The following CSE1L variants were observed in gnomAD, a reference collection of about 807,000 sequenced individuals.
CSE1L encodes exportin-2.
A neutral mutation model predicts 120.4 loss-of-function variants in CSE1L; 24 were observed. That is an observed-to-expected ratio of 0.20 (90% CI 0.14 to 0.28). CSE1L has a LOEUF of 0.28. Ranked by LOEUF, CSE1L falls within the 10% of genes least tolerant of loss-of-function variation. CSE1L has a pLI of 1.00. For missense variants in CSE1L, 830 were observed against 1,145.2 expected (o/e 0.72, Z 3.97); for synonymous variants, 402 against 398.3 (o/e 1.01, Z -0.11).
intron 1 of CSE1L, among the ~76,000 whole-genome samples, chr20:49,055,369 T>G (rs546008840): frequency 1.7e-4 from 26 of 152,168 alleles, no homozygotes; most frequent in Non-Finnish European, 3.2e-4. Context: ...TCTGAACTAT[T>G]ACAGAAGCTC....
At position 49,096,628 on chromosome 20, in the gene CSE1L, T is replaced by C. The variant is rs751097152; in HGVS notation, c.*190T>C. 7.2e-5 allele frequency: 43 copies of C among 599,450 alleles called. No individual in the cohort carries two copies. The highest frequency in any genetic ancestry group is 1.2e-4 in the Admixed American group (4 of 33,476). The allele number at this position is 599,450 out of a possible 1,614,324, so 37.1% of individuals were successfully genotyped here. On this transcript the variant is annotated 3_prime_UTR_variant, in exon 25 of 25. Transcript: ENST00000262982. ...GTTGGTTTGTGTGATCATACAGTTA[T>C]GTGGGTGGCTTCTAGTTTGCAACTT...
At chr20:49,048,803 G>T (rs1013094808) in intron 1 of CSE1L, among the ~76,000 whole-genome samples, 1 of 152,174 alleles carries the variant, frequency 6.6e-6, no homozygotes, top group Non-Finnish European at 1.5e-5. Flanking sequence ...GAGGTGTTGG[G>T]ATATGTTCTT....
intron 16 of CSE1L, among the ~76,000 whole-genome samples, 175 bp from the exon 17 acceptor site, chr20:49,087,834 A>G (rs2092071973): frequency 6.6e-6 from 1 of 152,142 alleles, no homozygotes; most frequent in African/African-American, 2.4e-5. Context: ...AACCCGTCCT[A>G]ATTTTAAAAG....
Position 49,094,294 on chromosome 20 carries a change from CTTCA to C in CSE1L, c.2594+11_2594+14del. ...TGAGTATACCAAACTGTGGTAAGTACTTCATTTTAATATTTTTGTAAGTTACAGC... is the reference window on the plus strand; with the variant it reads ...TGAGTATACCAAACTGTGGTAAGTACTTTTAATATTTTTGTAAGTTACAGC... On this transcript the variant is annotated intron_variant, in intron 23 of 24. Transcript: ENST00000262982. 1.3e-6 allele frequency: 2 copies of C among 1,599,996 alleles called. No individual in the cohort carries two copies. Among genetic ancestry groups the C allele is most frequent in the Non-Finnish European group, 1.7e-6 (2 of 1,176,270 alleles).
intron 14 of CSE1L, 77 bp from the exon 15 acceptor site, chr20:49,083,949 G>A (rs2092033223): frequency 7.0e-7 from 1 of 1,421,078 alleles, no homozygotes; most frequent in African/African-American, 1.4e-5. Context: ...AAATCAACAG[G>A]TCCTTCTCTT....
intron 1 of CSE1L, among the ~76,000 whole-genome samples, chr20:49,048,487 AGTGACAGAATTAT>A (rs2091739793): frequency 6.6e-6 from 1 of 152,190 alleles, no homozygotes; most frequent in East Asian, 1.9e-4. Flanking sequence ...AATTTCAGAT[AGTGACAGAATTAT>A]GTGACAGGTG....
chr20:49,068,114 T>A (rs1225958864), intron 6 of CSE1L, among the ~76,000 whole-genome samples: 1 of 152,036 alleles, frequency 6.6e-6, no homozygotes, highest in African/African-American at 2.4e-5. Flanking sequence ...AAATACCAAG[T>A]GGCAGATGAA....
At position 49,068,771 on chromosome 20, in the gene CSE1L, G is replaced by A. The variant is rs1188054238; in HGVS notation, c.624G>A (p.Leu208=). 1.2e-6 allele frequency: 2 copies of A among 1,613,916 alleles called. No individual in the cohort carries two copies. Among genetic ancestry groups the A allele is most frequent in the Middle Eastern group, 1.6e-4 (1 of 6,062 alleles). ...ATGATGCCTCTGCCCTGAGGATTCT[G>A]TTTTCTTCCCTGATCCTGATCTCAA... The part of the protein sequence containing the change: ...HANDASALRI[L]FSSLILISKL... The change falls in exon 7 of 25, where the codon CTG becomes CTA. Residue 208 remains leucine, a synonymous_variant. Coordinates refer to ENST00000262982, the MANE Select transcript of CSE1L (RefSeq NM_001316.4).
Position 49,092,466 on chromosome 20 carries a change from C to T in CSE1L, c.2447+339C>T, listed in dbSNP as rs373170391. Among the ~76,000 whole-genome samples the T allele has an allele frequency of 1.9e-4, 29 of 151,910 alleles. No homozygotes were observed. The East Asian group carries it at 1.9e-3, about 10-fold the overall frequency. On this transcript the variant is annotated intron_variant, in intron 22 of 24. Coordinates refer to ENST00000262982, the MANE Select transcript of CSE1L (RefSeq NM_001316.4). ...ATCCTCTAGATTAGAGGACCATCTACTCTACACACTGGCATTCTCCACAGC... is the reference window on the plus strand; with the variant it reads ...ATCCTCTAGATTAGAGGACCATCTATTCTACACACTGGCATTCTCCACAGC...
chr20:49,089,735 G>C lies in CSE1L; in HGVS notation c.2170G>C (p.Ala724Pro). ...RGSNTIASAA[A>P]DKIPGLLGVF... The stretch of plus-strand genomic sequence containing the variant: ...TTCAAACACAATAGCAAGTGCTGCA[G>C]CTGACAAAATTGTGCGTCAGGTTTT... Residue 724 changes from alanine to proline, a missense_variant, in exon 19 of 25, where the codon GCT becomes CCT. Ala to Pro is a conservative substitution (Grantham distance 27, BLOSUM62 -1). This residue lies in a region of CSE1L where 168 missense variants were observed against 267.9 expected (regional missense o/e 0.63). Coordinates refer to ENST00000262982, the MANE Select transcript of CSE1L (RefSeq NM_001316.4). The C allele has an allele frequency of 1.2e-6, 2 of 1,614,082 alleles. No individual in the cohort carries two copies. Among genetic ancestry groups the C allele is most frequent in the Non-Finnish European group, 1.7e-6 (2 of 1,179,972 alleles).
At chr20:49,091,313 T>C (rs1488451371) in intron 21 of CSE1L, among the ~76,000 whole-genome samples, 1 of 151,444 alleles carries the variant, frequency 6.6e-6, no homozygotes, top group Non-Finnish European at 1.5e-5. Flanking sequence ...TAGTCGCAGC[T>C]GCTTGGGAGG....
Position 49,094,786 on chromosome 20 carries a change from C to T in CSE1L, c.2649C>T (p.Thr883=), listed in dbSNP as rs1363871472. The T allele has an allele frequency of 2.5e-6, 4 of 1,613,866 alleles. No individual in the cohort carries two copies. In the East Asian group the frequency reaches 6.7e-5, roughly 27 times the overall value. ...TTTTTGAGTTACCCGAAGATGATAC[C>T]ATTCCTGATGAGGAACATTTTATTG... ...IGLFELPEDD[T]IPDEEHFIDI... is the part of the protein sequence containing the mutation. Residue 883 remains threonine (T), a synonymous_variant, in exon 24 of 25, where the codon ACC becomes ACT. Transcript: ENST00000262982.
chr20:49,074,752 G>A (rs1483069907), intron 10 of CSE1L, 33 bp from the exon 11 acceptor site: 1 of 1,581,126 alleles, frequency 6.3e-7, no homozygotes, highest in South Asian at 1.1e-5. Flanking sequence ...ACGTCTTTTG[G>A]AGTGTTATCT....
chr20:49,060,787 A>AAATTG (rs1466808170), intron 2 of CSE1L, among the ~76,000 whole-genome samples: 1 of 152,028 alleles, frequency 6.6e-6, no homozygotes, highest in Non-Finnish European at 1.5e-5. Flanking sequence ...AAAAAAAAAA[A>AAATTG]AATTGAAATA....
chr20:49,060,235 G>C (rs1415714250), intron 2 of CSE1L, among the ~76,000 whole-genome samples: 1 of 150,700 alleles, frequency 6.6e-6, no homozygotes, highest in East Asian at 1.9e-4. Context: ...TGTAATCCCA[G>C]CATTTTGGGA....
rs1334983529 is a variant in CSE1L at position 49,066,405 on chromosome 20, C to A, written c.371C>A (p.Pro124Gln). The change falls in exon 5 of 25, where the codon CCA becomes CAA. Residue 124 changes from proline to glutamine, a missense_variant. This residue lies in a region of CSE1L where 543 missense variants were observed against 640.2 expected (regional missense o/e 0.85). Coordinates refer to ENST00000262982, the MANE Select transcript of CSE1L (RefSeq NM_001316.4). ...AGCATTATTGGCAGAGAAGATTTTC[C>A]ACAGAAATGGCCTGACTTGCTGACA... Reference protein sequence around the residue: ...AISIIGREDFPQKWPDLLTEM... With the variant: ...AISIIGREDFQQKWPDLLTEM... 1 of 1,614,178 alleles carries A rather than the reference C, an allele frequency of 6.2e-7. No homozygotes were observed. Among genetic ancestry groups the A allele is most frequent in the South Asian group, 1.1e-5 (1 of 91,084 alleles).
In CSE1L at chr20:49,051,720, CAG is replaced by C. The variant is rs559871651; in HGVS notation, c.-12+5300_-12+5301del. On this transcript the variant is annotated intron_variant, in intron 1 of 24. Transcript: ENST00000262982. ...GATAAATTTTATCTTTTTTCAGAGACAGAGTCTTACTCTGTTGCCCAGATTGG... is the reference window on the plus strand; with the variant it reads ...GATAAATTTTATCTTTTTTCAGAGACAGTCTTACTCTGTTGCCCAGATTGG... 2.7e-3 allele frequency among the ~76,000 whole-genome samples: 404 copies of C among 152,316 alleles called. 1 individual carries two copies. The highest frequency in any genetic ancestry group is 7.0e-3 in the African/African-American group (289 of 41,578).
At chr20:49,074,176 A>AGTGTGT (rs71184254) in intron 10 of CSE1L, among the ~76,000 whole-genome samples, 6,486 of 115,358 alleles carry the variant, frequency 0.056, 255 homozygotes, top group South Asian at 0.075. Flanking sequence ...ATACAACTGC[A>AGTGTGT]GTGTGTGTGT....
chr20:49,080,270 G>GTTT (rs796381414), intron 14 of CSE1L, among the ~76,000 whole-genome samples: 3 of 130,252 alleles, frequency 2.3e-5, no homozygotes, highest in Non-Finnish European at 3.3e-5. Context: ...TATTTTTTTT[G>GTTT]TTTTTTTTTT....
Sources: allele counts gnomAD v4.1 joint callset (sites outside exome capture counted in the v4.1 genomes callset), GRCh38; gene constraint gnomAD v4.1.1; regional missense constraint gnomAD v4.1.1; transcripts MANE v1.5; gene names NCBI Gene and HGNC (gene_info 2026-07-23, HGNC 2026-07-21).